The following GRIK2 variants were observed in gnomAD, a reference collection of about 807,000 sequenced individuals.
GRIK2 encodes the protein glutamate receptor ionotropic, kainate 2.
A neutral mutation model predicts 100.3 loss-of-function variants in GRIK2; 32 were observed. That is an observed-to-expected ratio of 0.32 (90% CI 0.24 to 0.43). The LOEUF (loss-of-function observed/expected upper bound fraction) is 0.43. GRIK2 is among the 20% of genes least tolerant of loss of function. GRIK2 has a pLI of 1.00. For synonymous variants in GRIK2, 417 were observed against 389.4 expected (o/e 1.07, Z -0.83); for missense variants, 843 against 1,114.9 (o/e 0.76, Z 3.47).
intron 14 of GRIK2, among the ~76,000 whole-genome samples, chr6:101,937,267 C>T (rs1790675432): frequency 6.6e-6 from 1 of 152,120 alleles, no homozygotes; most frequent in African/African-American, 2.4e-5. Flanking sequence ...CTTGTCCTCC[C>T]TCCTTTACTC....
At chr6:101,684,942 T>A (rs1254235953) in intron 6 of GRIK2, among the ~76,000 whole-genome samples, 1 of 151,948 alleles carries the variant, frequency 6.6e-6, no homozygotes, top group African/African-American at 2.4e-5. Flanking sequence ...TCTTTTATGG[T>A]CCACTTCAGG....
intron 4 of GRIK2, among the ~76,000 whole-genome samples, chr6:101,655,196 C>T (rs1255490386): frequency 2.6e-5 from 4 of 152,160 alleles, no homozygotes; most frequent in Non-Finnish European, 5.9e-5. Flanking sequence ...GATTAAATCA[C>T]ATGTGTAAAT....
intron 10 of GRIK2, among the ~76,000 whole-genome samples, chr6:101,857,460 C>G (rs1784486390): frequency 6.6e-6 from 1 of 152,024 alleles, no homozygotes; most frequent in South Asian, 2.1e-4. Context: ...TGAAAATAAT[C>G]TTGATTATTT....
At chr6:101,911,388 T>C (rs1275864137) in intron 12 of GRIK2, among the ~76,000 whole-genome samples, 2 of 151,656 alleles carry the variant, frequency 1.3e-5, no homozygotes, top group East Asian at 1.9e-4. Flanking sequence ...ATCAAGAATA[T>C]TATTATTTAT....
intron 10 of GRIK2, among the ~76,000 whole-genome samples, chr6:101,832,235 T>C (rs1453133619): frequency 6.6e-6 from 1 of 152,150 alleles, no homozygotes; most frequent in African/African-American, 2.4e-5. Flanking sequence ...TGTTTTCTAA[T>C]CTTGATAAAT....
chr6:101,439,206 A>G (rs1369068728), intron 2 of GRIK2, among the ~76,000 whole-genome samples: 1 of 152,066 alleles, frequency 6.6e-6, no homozygotes, highest in Non-Finnish European at 1.5e-5. Flanking sequence ...CTTACTGTTC[A>G]TTGTTCCATG....
intron 2 of GRIK2, among the ~76,000 whole-genome samples, chr6:101,560,189 G>A (rs1026193881): frequency 2.0e-5 from 3 of 152,196 alleles, no homozygotes; most frequent in East Asian, 3.9e-4. Context: ...TCCATCAGAC[G>A]AGTGTCAAGA....
chr6:101,886,890 A>T (rs1786677470), intron 11 of GRIK2, among the ~76,000 whole-genome samples: 1 of 128,466 alleles, frequency 7.8e-6, no homozygotes, highest in Admixed American at 9.8e-5. Flanking sequence ...CAGTGTTGCG[A>T]TCTCGGCTCA....
chr6:101,821,616 A>G (rs1320988258), intron 10 of GRIK2, among the ~76,000 whole-genome samples: 3 of 152,146 alleles, frequency 2.0e-5, no homozygotes, highest in Middle Eastern at 3.2e-3. Context: ...ATTTCCTAAA[A>G]GGATAAAATA....
intron 7 of GRIK2, among the ~76,000 whole-genome samples, chr6:101,692,357 G>C (rs780900513): frequency 6.6e-5 from 10 of 152,058 alleles, no homozygotes; most frequent in Non-Finnish European, 1.3e-4. Flanking sequence ...GCAACATAAT[G>C]AATTGATGAA....
chr6:101,889,832 G>A lies in GRIK2; in HGVS notation c.1717G>A (p.Gly573Ser). The change falls in exon 12 of 17, where the codon GGT becomes AGT. Residue 573 changes from glycine (G) to serine (S), a missense_variant. Physicochemically the swap from Gly to Ser is moderately conservative, Grantham distance 56 (BLOSUM62 0). Around this residue, in one of 3 missense-constraint regions of GRIK2, gnomAD observed 237 missense variants for 388.0 expected, o/e 0.61. Coordinates refer to ENST00000369134, the MANE Select transcript of GRIK2 (RefSeq NM_021956.5). ...IWMYILLAYL[G>S]VSCVLFVIAR... ...GATGTATATTCTGCTGGCTTACTTG[G>A]GTGTCAGTTGTGTGCTCTTTGTCAT... 6.2e-7 allele frequency: 1 copy of A among 1,612,510 alleles called. No individual in the cohort carries two copies. The highest frequency in any genetic ancestry group is 8.5e-7 in the Non-Finnish European group (1 of 1,178,986).
chr6:101,412,583 T>C (rs1775933880), intron 2 of GRIK2, among the ~76,000 whole-genome samples: 1 of 152,164 alleles, frequency 6.6e-6, no homozygotes, highest in Non-Finnish European at 1.5e-5. Flanking sequence ...AGCTTTCTTT[T>C]TGGACTCAGC....
intron 2 of GRIK2, among the ~76,000 whole-genome samples, chr6:101,594,672 C>G (rs1327213474): frequency 6.6e-6 from 1 of 151,700 alleles, no homozygotes; most frequent in African/African-American, 2.4e-5. Flanking sequence ...CAAGTTGGCT[C>G]TTGGTAGCTT....
intron 7 of GRIK2, among the ~76,000 whole-genome samples, chr6:101,775,878 C>T (rs1203094867): frequency 1.3e-5 from 2 of 151,770 alleles, no homozygotes; most frequent in African/African-American, 2.4e-5. Flanking sequence ...GGCTGGAGTG[C>T]AGTGGCACTA....
intron 12 of GRIK2, among the ~76,000 whole-genome samples, chr6:101,894,054 C>G (rs1787277244): frequency 6.6e-6 from 1 of 151,206 alleles, no homozygotes; most frequent in South Asian, 2.1e-4. Flanking sequence ...CATTAGACTA[C>G]TAGATTAGAA....
intron 14 of GRIK2, among the ~76,000 whole-genome samples, chr6:101,974,989 C>CA (rs1303504603): frequency 6.6e-6 from 1 of 151,578 alleles, no homozygotes; most frequent in African/African-American, 2.4e-5. Context: ...ATCAAGAAGA[C>CA]AAAAAATCTT....
chr6:101,748,501 G>T (rs1022455769), intron 7 of GRIK2, among the ~76,000 whole-genome samples: 2 of 151,806 alleles, frequency 1.3e-5, no homozygotes, highest in Non-Finnish European at 2.9e-5. Flanking sequence ...GGTAAAAAAT[G>T]GTTGATATTT....
At chr6:101,447,055 G>A (rs960962488) in intron 2 of GRIK2, among the ~76,000 whole-genome samples, 6 of 147,720 alleles carry the variant, frequency 4.1e-5, no homozygotes, top group African/African-American at 1.5e-4. Flanking sequence ...TATTATGTTT[G>A]TGTATATATA....
chr6:101,422,354 A>G (rs1186409866), intron 2 of GRIK2, among the ~76,000 whole-genome samples: 1 of 152,316 alleles, frequency 6.6e-6, no homozygotes, highest in East Asian at 1.9e-4. Context: ...AAGACAAATC[A>G]TATTTTTCTC....
Sources: gnomAD v4.1 joint callset for allele counts (sites outside exome capture counted in the v4.1 genomes callset) on GRCh38, gnomAD v4.1.1 for gene constraint, gnomAD v4.1.1 regional missense constraint, MANE v1.5 for transcripts, NCBI Gene and HGNC (gene_info 2026-07-23, HGNC 2026-07-21) for gene names.